Variants in YTHDC2 observed in about 807,000 individuals in gnomAD.
YTHDC2 encodes the protein 3'-5' RNA helicase YTHDC2.
In YTHDC2, 45 loss-of-function variants were observed where a neutral mutation model predicts 174.9. That is an observed-to-expected ratio of 0.26 (90% confidence interval 0.20 to 0.33). The LOEUF is 0.33. YTHDC2 is among the 10% of genes least tolerant of loss of function. The pLI is 1.00. For synonymous variants in YTHDC2, 657 were observed against 574.5 expected (o/e 1.14, Z -2.05); for missense variants, 1,650 against 1,723.7 (o/e 0.96, Z 0.76).
At chr5:113,528,891 T>G (rs1361681036) in intron 4 of YTHDC2, among the ~76,000 whole-genome samples, 1 of 151,970 alleles carries the variant, frequency 6.6e-6, no homozygotes, top group Admixed American at 6.5e-5. Context: ...CTCGTGGGTT[T>G]TTGTTTGTTT....
rs1442057906 is a variant in YTHDC2, at chr5:113,577,910, A to G, written c.3245-1676A>G. 2.0e-5 allele frequency among the ~76,000 whole-genome samples: 3 copies of G among 152,162 alleles called. 1 individual carries two copies. In the South Asian group the frequency reaches 6.2e-4, roughly 32 times the overall value. On this transcript the variant is annotated intron_variant, in intron 23 of 29. Transcript: ENST00000161863. Reference sequence around the variant, plus strand: ...AGAAACATTATTGCAGACATTATATATTTTATGTACCTTGTTACTTTATTA... The same window carrying G: ...AGAAACATTATTGCAGACATTATATGTTTTATGTACCTTGTTACTTTATTA...
chr5:113,586,853 A>ATC (rs367950987), intron 26 of YTHDC2, among the ~76,000 whole-genome samples: 13,852 of 126,274 alleles, frequency 0.11, 1,128 homozygotes, highest in Non-Finnish European at 0.13. Context: ...TTTCATTAAT[A>ATC]TCTCTCTCTC....
chr5:113,534,572 T>C (rs974020482), intron 6 of YTHDC2, among the ~76,000 whole-genome samples, 165 bp downstream of exon 6: 1 of 152,202 alleles, frequency 6.6e-6, no homozygotes, highest in Non-Finnish European at 1.5e-5. Context: ...TAATGATCAA[T>C]TTATTTTTTG....
chr5:113,522,495 T>A (rs912660747), intron 2 of YTHDC2, among the ~76,000 whole-genome samples: 1 of 152,194 alleles, frequency 6.6e-6, no homozygotes, highest in African/African-American at 2.4e-5. Context: ...ACATTTACTT[T>A]TATATTTCAA....
intron 9 of YTHDC2, 90 bp from the exon 10 acceptor site, chr5:113,542,278 G>C (rs1459071054): frequency 7.5e-7 from 1 of 1,327,068 alleles, no homozygotes; most frequent in Non-Finnish European, 1.1e-6. Flanking sequence ...AGGATTAGTA[G>C]TCCTGATGGC....
At chr5:113,553,446 A>G (rs2112672632) in intron 13 of YTHDC2, 87 bp downstream of exon 13, 1 of 1,424,424 alleles carries the variant, frequency 7.0e-7, no homozygotes, top group Non-Finnish European at 9.5e-7. Context: ...ATATAATTGC[A>G]CTGATAGTAG....
rs149270266 is a variant in YTHDC2 at position 113,584,145 on chromosome 5, T to A, written c.3648-157T>A. On this transcript the variant is annotated intron_variant, in intron 25 of 29. Coordinates refer to ENST00000161863, the MANE Select transcript of YTHDC2 (RefSeq NM_022828.5). ...AACTGCCATAGACATCTATATTTCCTGACCTTAGTATTTTTAAATAATATT... is the reference window on the plus strand; with the variant it reads ...AACTGCCATAGACATCTATATTTCCAGACCTTAGTATTTTTAAATAATATT... 7.3e-5 allele frequency: 42 copies of A among 579,164 alleles called. No individual in the cohort carries two copies. In the African/African-American group the frequency reaches 7.4e-4, roughly 10 times the overall value. The allele number at this position is 579,164 out of a possible 1,614,324, so 35.9% of individuals were successfully genotyped here. A position where few individuals can be genotyped will look rare whatever the true frequency, so the allele number is the denominator to read the frequency against.
intron 23 of YTHDC2, among the ~76,000 whole-genome samples, chr5:113,575,468 C>T (rs10065790): frequency 0.16 from 24,052 of 152,080 alleles, 2,060 homozygotes; most frequent in Non-Finnish European, 0.2. Flanking sequence ...AGCCTAGACA[C>T]GTTTTTCTGA....
Position 113,592,089 on chromosome 5 carries a change from C to A in YTHDC2, c.4123C>A (p.Arg1375=), listed in dbSNP as rs762256508. 6.2e-7 allele frequency: 1 copy of A among 1,612,450 alleles called. No individual in the cohort carries two copies. Among genetic ancestry groups the A allele is most frequent in the Non-Finnish European group, 8.5e-7 (1 of 1,179,372 alleles). The part of the protein sequence containing the change: ...LGGVFKVEWI[R]KESLPFQFAH... ...AGGAGTATTTAAGGTGGAGTGGATACGAAAAGAAAGCCTTCCCTTTCAATT... is the reference window on the plus strand; with the variant it reads ...AGGAGTATTTAAGGTGGAGTGGATAAGAAAAGAAAGCCTTCCCTTTCAATT... Residue 1375 remains arginine, a synonymous_variant, in exon 28 of 30, where the codon CGA becomes AGA. Coordinates refer to ENST00000161863, the MANE Select transcript of YTHDC2 (RefSeq NM_022828.5).
chr5:113,520,498 C>CTT (rs565814224), intron 2 of YTHDC2, among the ~76,000 whole-genome samples: 8 of 143,296 alleles, frequency 5.6e-5, no homozygotes, highest in East Asian at 2.0e-4. Context: ...AAAAGAATCT[C>CTT]TTTTTTTTTT....
chr5:113,534,268 T>A, intron 5 of YTHDC2, 37 bp from the exon 6 acceptor site: 1 of 1,526,764 alleles, frequency 6.5e-7, no homozygotes, highest in South Asian at 1.1e-5. Context: ...ATGAAAAACT[T>A]GCAATTGTGC....
Position 113,553,967 on chromosome 5 carries a change from C to T in YTHDC2, c.2078C>T (p.Thr693Ile), listed in dbSNP as rs773932822. The T allele has an allele frequency of 8.2e-6, 13 of 1,586,992 alleles. No individual in the cohort carries two copies. The Middle Eastern group carries it at 5.1e-4, about 62-fold the overall frequency. Residue 693 changes from threonine to isoleucine, a missense_variant, in exon 16 of 30, where the codon ACC (threonine) becomes ATC (isoleucine). This residue lies in a region of YTHDC2 where 913 missense variants were observed against 940.4 expected (regional missense o/e 0.97). Coordinates refer to ENST00000161863, the MANE Select transcript of YTHDC2 (RefSeq NM_022828.5). ...KIILSTNIAE[T>I]SITVNDVVFV... ...ATTCTTTCCACCAATATTGCTGAAA[C>T]CAGCATCACAGTCAATGATGTTGTC... is the stretch of plus-strand genomic sequence containing the variant.
At chr5:113,534,247 A>G in intron 5 of YTHDC2, 58 bp from the exon 6 acceptor site, 1 of 1,285,860 alleles carries the variant, frequency 7.8e-7, no homozygotes, top group Non-Finnish European at 1.1e-6. Context: ...ATGTGATTAT[A>G]TTTTAGTTAC....
At chr5:113,565,309 G>A (rs1467400427) in intron 20 of YTHDC2, among the ~76,000 whole-genome samples, 1 of 152,102 alleles carries the variant, frequency 6.6e-6, no homozygotes, top group Non-Finnish European at 1.5e-5. Flanking sequence ...AGAAGTAGAG[G>A]GAGATTTAGA....
chr5:113,553,156 T>TG, intron 12 of YTHDC2, 25 bp from the exon 13 acceptor site: 1 of 1,351,966 alleles, frequency 7.4e-7, no homozygotes, highest in Non-Finnish European at 9.6e-7. Context: ...ATTGACTTTG[T>TG]CTTTTTTTTT....
chr5:113,537,260 G>A (rs996257740), intron 7 of YTHDC2, among the ~76,000 whole-genome samples: 3 of 151,796 alleles, frequency 2.0e-5, no homozygotes, highest in South Asian at 2.1e-4. Context: ...AATTTTTACC[G>A]GTGTCGTTTG....
At chr5:113,564,523 G>A (rs74343788) in intron 20 of YTHDC2, among the ~76,000 whole-genome samples, 5,010 of 152,142 alleles carry the variant, frequency 0.033, 269 homozygotes, top group African/African-American at 0.11. Context: ...AATATCTATC[G>A]ATTTTTCTTA....
At chr5:113,543,473 C>T (rs1775625170) in intron 10 of YTHDC2, among the ~76,000 whole-genome samples, 1 of 152,192 alleles carries the variant, frequency 6.6e-6, no homozygotes, top group Non-Finnish European at 1.5e-5. Context: ...ATTTCACTCC[C>T]CCTACTGTAC....
chr5:113,590,070 A>G lies in YTHDC2; in HGVS notation c.3826-971A>G, dbSNP rs540471660. ...TAAATGTGTCTGATTGCTCATTGCA[A>G]TCAGAGTCTCAAGATGACAACAGTA... On this transcript the variant is annotated intron_variant, in intron 26 of 29. Transcript: ENST00000161863. 2.2e-3 allele frequency among the ~76,000 whole-genome samples: 324 copies of G among 149,348 alleles called. 3 individuals are homozygous for G. Among genetic ancestry groups the G allele is most frequent in the African/African-American group, 7.6e-3 (308 of 40,292 alleles).
Sources: allele counts gnomAD v4.1 joint callset (sites outside exome capture counted in the v4.1 genomes callset), GRCh38; gene constraint gnomAD v4.1.1; regional missense constraint gnomAD v4.1.1; transcripts MANE v1.5; gene names NCBI Gene and HGNC (gene_info 2026-07-23, HGNC 2026-07-21).